ANO3: variants seen among roughly 807,000 people sequenced by gnomAD.
The protein encoded by ANO3 is anoctamin-3.
A neutral mutation model predicts 144.8 loss-of-function variants in ANO3; 99 were observed. The observed-to-expected ratio is 0.68, with a 90% CI of 0.58 to 0.81. The LOEUF is 0.81. Among genes scored for constraint, ANO3 ranks in the 30% least tolerant of loss-of-function variants. The pLI is 0.00. For missense variants in ANO3, 905 were observed against 1,202.2 expected (o/e 0.75, Z 3.66); for synonymous variants, 414 against 392.6 (o/e 1.05, Z -0.64).
chr11:26,323,555 G>T (rs898013095), intron 1 of ANO3, among the ~76,000 whole-genome samples: 1 of 152,038 alleles, frequency 6.6e-6, no homozygotes, highest in African/African-American at 2.4e-5. Flanking sequence ...CCTTGTTTAA[G>T]AATTTATATT....
chr11:26,325,734 C>T (rs1050930821), intron 1 of ANO3, among the ~76,000 whole-genome samples: 1 of 152,170 alleles, frequency 6.6e-6, no homozygotes, highest in Non-Finnish European at 1.5e-5. Flanking sequence ...ATTTCCTTTA[C>T]TATTTTCACT....
At chr11:26,563,416 T>C in intron 14 of ANO3, 2 of 727,874 alleles carry the variant, frequency 2.7e-6, no homozygotes, top group Non-Finnish European at 4.1e-6. Flanking sequence ...TGTGTGTGTG[T>C]GTGTGTGTGT....
At chr11:26,556,797 C>T (rs1850094875) in intron 13 of ANO3, among the ~76,000 whole-genome samples, 1 of 152,272 alleles carries the variant, frequency 6.6e-6, no homozygotes, top group African/African-American at 2.4e-5. Flanking sequence ...AATTCTGACT[C>T]CCTGCCCTCC....
At chr11:26,374,245 A>T (rs1856341828) in intron 1 of ANO3, among the ~76,000 whole-genome samples, 1 of 152,218 alleles carries the variant, frequency 6.6e-6, no homozygotes, top group African/African-American at 2.4e-5. Flanking sequence ...CAAAGAAATC[A>T]TTTATGCATC....
chr11:26,270,808 A>T (rs1414085051), intron 1 of ANO3, among the ~76,000 whole-genome samples: 1 of 152,220 alleles, frequency 6.6e-6, no homozygotes, highest in Non-Finnish European at 1.5e-5. Flanking sequence ...TATGAAAAGG[A>T]TGCTTTGTAA....
chr11:26,357,370 AACTC>A (rs1206523984), intron 1 of ANO3, among the ~76,000 whole-genome samples: 4 of 152,174 alleles, frequency 2.6e-5, no homozygotes, highest in Non-Finnish European at 5.9e-5. Context: ...TTTCTTTATA[AACTC>A]ACTCACTACA....
intron 3 of ANO3, among the ~76,000 whole-genome samples, chr11:26,452,966 A>G (rs1191789077): frequency 1.3e-5 from 2 of 152,218 alleles, no homozygotes; most frequent in East Asian, 3.8e-4. Context: ...AGAATTTCAT[A>G]TCCAGCTAAA....
chr11:26,291,752 C>T (rs1429228006), intron 1 of ANO3, among the ~76,000 whole-genome samples: 1 of 152,196 alleles, frequency 6.6e-6, no homozygotes, highest in African/African-American at 2.4e-5. Context: ...TCTCTTCTGG[C>T]TTGTAGAGTT....
intron 1 of ANO3, among the ~76,000 whole-genome samples, chr11:26,252,727 G>A (rs34561935): frequency 0.31 from 47,824 of 151,956 alleles, 7,801 homozygotes; most frequent in Non-Finnish European, 0.34. Flanking sequence ...GTATTTAGAC[G>A]CATTACTTTC....
intron 17 of ANO3, among the ~76,000 whole-genome samples, chr11:26,618,703 C>G (rs1308807027): frequency 2.6e-5 from 4 of 152,162 alleles, no homozygotes; most frequent in African/African-American, 9.7e-5. Context: ...CCAAATCACC[C>G]TGCACTCCAA....
At chr11:26,559,538 T>G in intron 13 of ANO3, 181 bp from the exon 14 acceptor site, 41 of 565,918 alleles carry the variant, frequency 7.2e-5, no homozygotes, top group Middle Eastern at 9.7e-4. Flanking sequence ...CCTCTCCCCA[T>G]GAGAAAAATC....
chr11:26,564,028 A>T (rs1311881076), intron 14 of ANO3, among the ~76,000 whole-genome samples: 1 of 151,770 alleles, frequency 6.6e-6, no homozygotes, highest in Non-Finnish European at 1.5e-5. Flanking sequence ...AGGGTCTCTG[A>T]TTCTATATAA....
intron 1 of ANO3, chr11:26,286,294 GA>G (rs1309510082): frequency 6.6e-6 from 1 of 152,150 alleles, no homozygotes; most frequent in Non-Finnish European, 1.5e-5. Context: ...TAGAGCACAT[GA>G]AATAAATAGT....
intron 17 of ANO3, among the ~76,000 whole-genome samples, chr11:26,623,455 T>G (rs1209361898): frequency 1.3e-5 from 2 of 152,208 alleles, no homozygotes; most frequent in East Asian, 3.9e-4. Context: ...CCAACTATAT[T>G]TACTTGGAAT....
Position 26,246,482 on chromosome 11 carries a change from T to TA in ANO3, c.154+57153dup, listed in dbSNP as rs1564932369. Among the ~76,000 whole-genome samples the TA allele has an allele frequency of 1.0e-3, 141 of 134,878 alleles. 1 individual carries two copies. The highest frequency in any genetic ancestry group is 3.1e-3 in the African/African-American group (114 of 36,600). 88.5% of individuals were successfully genotyped at this position (134,878 alleles called of 152,430 possible). Reference sequence around the variant, plus strand: ...TATATATATATATATATATATATATTATGAGTATAAACTGAACATCTTATC... The same window carrying TA: ...TATATATATATATATATATATATATTAATGAGTATAAACTGAACATCTTATC... On this transcript the variant is annotated intron_variant, in intron 1 of 27. Transcript: ENST00000672621.
chr11:26,643,157 AT>A, intron 22 of ANO3, 24 bp from the exon 23 acceptor site: 5 of 1,610,678 alleles, frequency 3.1e-6, no homozygotes, highest in Non-Finnish European at 4.2e-6. Context: ...TTATATAGTA[AT>A]TTCCTAATGC....
chr11:26,229,814 T>C (rs1253713201), intron 1 of ANO3, among the ~76,000 whole-genome samples: 1 of 152,218 alleles, frequency 6.6e-6, no homozygotes, highest in Non-Finnish European at 1.5e-5. Flanking sequence ...CAAATTGTTA[T>C]ATAAACAATA....
chr11:26,642,155 C>A, intron 22 of ANO3, 126 bp downstream of exon 22: 1 of 1,000,518 alleles, frequency 1.0e-6, no homozygotes, highest in Non-Finnish European at 1.4e-6. Flanking sequence ...TAAAACACGT[C>A]TGCACCTTCA....
At chr11:26,231,886 T>C (rs11822048) in intron 1 of ANO3, among the ~76,000 whole-genome samples, 193 of 152,306 alleles carry the variant, frequency 1.3e-3, no homozygotes, top group African/African-American at 4.4e-3. Flanking sequence ...GCTTCTGCCA[T>C]TTGCAAGGTA....
Sources: gnomAD v4.1 joint callset for allele counts (sites outside exome capture counted in the v4.1 genomes callset) on GRCh38, gnomAD v4.1.1 for gene constraint, MANE v1.5 for transcripts, NCBI Gene and HGNC (gene_info 2026-07-23, HGNC 2026-07-21) for gene names.